The following FGGY variants were observed in gnomAD, a reference collection of about 807,000 sequenced individuals.
The protein encoded by FGGY is FGGY carbohydrate kinase domain-containing protein.
FGGY carries 72 observed loss-of-function variants against 71.3 expected under a neutral mutation model. That is an observed-to-expected ratio of 1.01 (90% CI 0.84 to 1.23). The LOEUF (loss-of-function observed/expected upper bound fraction) is 1.23. FGGY is among the 50% of genes most tolerant of loss of function. The pLI, the probability that FGGY is intolerant of heterozygous loss-of-function variation, is 0.00. For missense variants in FGGY, 668 were observed against 682.3 expected (o/e 0.98, Z 0.23); for synonymous variants, 251 against 250.3 (o/e 1.00, Z -0.02).
At chr1:59,535,129 G>A (rs1037252612) in intron 7 of FGGY, among the ~76,000 whole-genome samples, 1 of 152,252 alleles carries the variant, frequency 6.6e-6, no homozygotes, top group African/African-American at 2.4e-5. Context: ...ATAAAAGGAT[G>A]GAGGAAGATC....
intron 13 of FGGY, among the ~76,000 whole-genome samples, chr1:59,671,610 T>C (rs928208158): frequency 2.0e-5 from 3 of 152,084 alleles, no homozygotes; most frequent in Non-Finnish European, 4.4e-5. Flanking sequence ...GGGTAACAGG[T>C]GTGAGGAGAG....
chr1:59,653,516 C>G (rs1247149020), intron 11 of FGGY, among the ~76,000 whole-genome samples: 3 of 152,124 alleles, frequency 2.0e-5, no homozygotes, highest in African/African-American at 7.2e-5. Flanking sequence ...ACCCGATTTT[C>G]CAGGTGCGTC....
chr1:59,538,339 A>G (rs1322494221), intron 7 of FGGY, among the ~76,000 whole-genome samples: 3 of 151,324 alleles, frequency 2.0e-5, no homozygotes, highest in Non-Finnish European at 4.4e-5. Context: ...AAAAGTCAGG[A>G]AACAACAGGT....
chr1:59,653,027 G>C (rs2097180135), intron 11 of FGGY, among the ~76,000 whole-genome samples: 1 of 152,158 alleles, frequency 6.6e-6, no homozygotes, highest in South Asian at 2.1e-4. Context: ...AGGTGTCAGT[G>C]TGCTCCTGCT....
Position 59,674,037 on chromosome 1 carries a change from A to G in FGGY, c.1418-2A>G. ...ACCAAGGTGTGGCCTTGTCCTGCGC[A>G]GGCATGCCTGTGGTCCTGTCGCAAG... On this transcript the variant is annotated splice_acceptor_variant, in intron 13 of 15. Coordinates refer to ENST00000303721, the MANE Select transcript of FGGY (RefSeq NM_018291.5). LOFTEE classifies it high-confidence loss of function. 1.2e-6 allele frequency: 2 copies of G among 1,612,960 alleles called. No homozygotes were observed. Among genetic ancestry groups the G allele is most frequent in the Non-Finnish European group, 8.5e-7 (1 of 1,179,498 alleles).
At chr1:59,594,321 T>C (rs1194206086) in intron 8 of FGGY, among the ~76,000 whole-genome samples, 1 of 152,232 alleles carries the variant, frequency 6.6e-6, no homozygotes, top group African/African-American at 2.4e-5. Flanking sequence ...AGTTAAATAG[T>C]TAGCTCTCAC....
intron 7 of FGGY, among the ~76,000 whole-genome samples, chr1:59,525,227 C>T (rs2094944960): frequency 6.6e-6 from 1 of 152,224 alleles, no homozygotes; most frequent in Non-Finnish European, 1.5e-5. Flanking sequence ...CCGGACTCTG[C>T]ACTTGCTCAC....
intron 5 of FGGY, among the ~76,000 whole-genome samples, chr1:59,414,572 C>T (rs182305961): frequency 2.0e-5 from 3 of 152,238 alleles, no homozygotes; most frequent in East Asian, 1.9e-4. Context: ...ATGGATCCTG[C>T]GTGAAACAGG....
intron 8 of FGGY, 36 bp downstream of exon 8, chr1:59,554,263 CA>C: frequency 6.5e-7 from 1 of 1,529,632 alleles, no homozygotes; most frequent in Non-Finnish European, 9.0e-7. Context: ...GGCCACCACA[CA>C]GCAGGAGGTA....
intron 5 of FGGY, among the ~76,000 whole-genome samples, chr1:59,381,651 GT>G (rs2059468542): frequency 6.6e-6 from 1 of 150,992 alleles, no homozygotes; most frequent in African/African-American, 2.5e-5. Flanking sequence ...GTGTGTGTGT[GT>G]GTGTGTGTGT....
chr1:59,467,109 C>T (rs1484926543), intron 6 of FGGY, among the ~76,000 whole-genome samples: 1 of 152,132 alleles, frequency 6.6e-6, no homozygotes, highest in Admixed American at 6.5e-5. Context: ...GTCGAATTTC[C>T]ACCAATGATA....
intron 4 of FGGY, among the ~76,000 whole-genome samples, chr1:59,374,380 T>C (rs835436): frequency 0.46 from 70,550 of 151,980 alleles, 17,399 homozygotes; most frequent in African/African-American, 0.64. Flanking sequence ...GTTAGAATGG[T>C]GATCTTTAAA....
intron 14 of FGGY, among the ~76,000 whole-genome samples, chr1:59,702,947 A>G (rs1178884633): frequency 6.6e-6 from 1 of 152,058 alleles, no homozygotes; most frequent in East Asian, 1.9e-4. Flanking sequence ...CTGGCTGTTA[A>G]CCACCTATGT....
At chr1:59,396,384 GTGTT>G in intron 5 of FGGY, among the ~76,000 whole-genome samples, 1 of 152,300 alleles carries the variant, frequency 6.6e-6, no homozygotes, top group Non-Finnish European at 1.5e-5. Flanking sequence ...TAGCTTGACA[GTGTT>G]TGTTTCTTTT....
At chr1:59,653,255 C>T (rs868001662) in intron 11 of FGGY, among the ~76,000 whole-genome samples, 49 of 152,174 alleles carry the variant, frequency 3.2e-4, no homozygotes, top group Middle Eastern at 3.4e-3. Flanking sequence ...GGCAGGCAGG[C>T]CTCCTTGAGC....
At chr1:59,654,651 G>T (rs1055843240) in intron 11 of FGGY, among the ~76,000 whole-genome samples, 1 of 152,098 alleles carries the variant, frequency 6.6e-6, no homozygotes, top group Non-Finnish European at 1.5e-5. Flanking sequence ...TAGAACCTAT[G>T]AACCTATAAT....
At chr1:59,329,986 A>G (rs1223198824) in intron 2 of FGGY, among the ~76,000 whole-genome samples, 1 of 152,224 alleles carries the variant, frequency 6.6e-6, no homozygotes, top group African/African-American at 2.4e-5. Context: ...TCTTCAAGGA[A>G]GGAGCATTTT....
At position 59,374,453 on chromosome 1, in the gene FGGY, T is replaced by G. The variant is rs187867136; in HGVS notation, c.466-4296T>G. ...AAATAGGAACACTTTTACACTGTTG[T>G]TGGGACTGTAAACTAGTTGAACCAT... On this transcript the variant is annotated intron_variant, in intron 4 of 15. Transcript: ENST00000303721. Among the ~76,000 whole-genome samples the G allele has an allele frequency of 9.3e-3, 1,407 of 151,574 alleles. 28 individuals are homozygous for G. The highest frequency in any genetic ancestry group is 0.032 in the African/African-American group (1,316 of 41,030).
At chr1:59,544,893 A>G (rs368295837) in intron 7 of FGGY, among the ~76,000 whole-genome samples, 4 of 152,134 alleles carry the variant, frequency 2.6e-5, no homozygotes, top group Non-Finnish European at 5.9e-5. Flanking sequence ...ATTTTTCTCT[A>G]CTGTGTATTT....
Sources: allele counts gnomAD v4.1 joint callset (sites outside exome capture counted in the v4.1 genomes callset), GRCh38; gene constraint gnomAD v4.1.1; transcripts MANE v1.5; gene names NCBI Gene and HGNC (gene_info 2026-07-23, HGNC 2026-07-21).